Variants in RPTOR observed in about 807,000 individuals in gnomAD.
The protein encoded by RPTOR is regulatory associated protein of MTOR complex 1, also known as regulatory-associated protein of mTOR.
Under a neutral mutation model 169.9 loss-of-function variants are expected in RPTOR, and 21 were observed. The ratio of observed to expected loss-of-function variants is 0.12; its 90% CI spans 0.09 to 0.18. The LOEUF (loss-of-function observed/expected upper bound fraction) is 0.18, where lower values mean the gene tolerates loss of function less well. Ranked by LOEUF, RPTOR falls within the 10% of genes least tolerant of loss-of-function variation. The pLI, the probability that RPTOR is intolerant of heterozygous loss-of-function variation, is 1.00. For missense variants in RPTOR, 1,133 were observed against 1,855.9 expected (o/e 0.61, Z 7.16); for synonymous variants, 732 against 753.2 (o/e 0.97, Z 0.46).
At chr17:80,743,126 T>A (rs1598272241) in intron 5 of RPTOR, among the ~76,000 whole-genome samples, 1 of 152,218 alleles carries the variant, frequency 6.6e-6, no homozygotes, top group Non-Finnish European at 1.5e-5. Flanking sequence ...CTCTTACTAG[T>A]GTCTCCAGCT....
chr17:80,661,413 C>T (rs573623572), intron 3 of RPTOR, among the ~76,000 whole-genome samples: 1 of 152,298 alleles, frequency 6.6e-6, no homozygotes, highest in East Asian at 1.9e-4. Flanking sequence ...GCAGAGGAGT[C>T]GCGCGGGAGC....
At chr17:80,622,635 G>A (rs12942880) in intron 1 of RPTOR, among the ~76,000 whole-genome samples, 28,231 of 152,126 alleles carry the variant, frequency 0.19, 3,009 homozygotes, top group East Asian at 0.28. Context: ...GTGCAGTGGC[G>A]CATGCCTGTA....
At chr17:80,877,243 CT>C (rs2068131193) in intron 13 of RPTOR, among the ~76,000 whole-genome samples, 1 of 152,240 alleles carries the variant, frequency 6.6e-6, no homozygotes, top group Non-Finnish European at 1.5e-5. Context: ...CCCAGTCCCC[CT>C]AGCCAGCGAA....
At chr17:80,881,511 A>G (rs1470784088) in intron 14 of RPTOR, among the ~76,000 whole-genome samples, 1 of 152,250 alleles carries the variant, frequency 6.6e-6, no homozygotes, top group African/African-American at 2.4e-5. Flanking sequence ...TTGAGGACAC[A>G]GCCAGGTTTG....
chr17:80,682,551 T>A (rs1158747138), intron 3 of RPTOR, among the ~76,000 whole-genome samples: 1 of 151,902 alleles, frequency 6.6e-6, no homozygotes, highest in African/African-American at 2.4e-5. Flanking sequence ...GAGCTGGGAG[T>A]GATGTGGCCA....
chr17:80,787,400 C>T (rs541980087), intron 6 of RPTOR, among the ~76,000 whole-genome samples: 1 of 152,314 alleles, frequency 6.6e-6, no homozygotes, highest in East Asian at 1.9e-4. Flanking sequence ...TGAGCTTTTT[C>T]AGCTTCTTCC....
Position 80,957,783 on chromosome 17 carries a change from G to T in RPTOR, c.3477+53G>T, listed in dbSNP as rs2069272428. On this transcript the variant is annotated intron_variant, in intron 29 of 33. Coordinates refer to ENST00000306801, the MANE Select transcript of RPTOR (RefSeq NM_020761.3). The surrounding 1 kb of genome is among the most constrained non-coding windows in gnomAD (Gnocchi z 4.6). ...TGGGCCTGTGGGGCAGTGTGTGCAGGGCTGGTCCTCGTCACAGAACCCAGC... is the reference window on the plus strand; with the variant it reads ...TGGGCCTGTGGGGCAGTGTGTGCAGTGCTGGTCCTCGTCACAGAACCCAGC... The T allele has an allele frequency of 1.3e-6, 2 of 1,528,532 alleles. No individual in the cohort carries two copies. Among genetic ancestry groups the T allele is most frequent in the African/African-American group, 2.7e-5 (2 of 73,364 alleles). The allele number at this position is 1,528,532 out of a possible 1,614,324, so 94.7% of individuals were successfully genotyped here. A position where few individuals can be genotyped will look rare whatever the true frequency, so the allele number is the denominator to read the frequency against.
intron 2 of RPTOR, among the ~76,000 whole-genome samples, chr17:80,640,175 C>T (rs144652761): frequency 4.0e-5 from 6 of 150,108 alleles, no homozygotes; most frequent in South Asian, 2.1e-4. Flanking sequence ...CACACTCACT[C>T]GCCGCTGAAG....
intron 1 of RPTOR, among the ~76,000 whole-genome samples, chr17:80,550,220 T>TA (rs939025121): frequency 3.3e-5 from 5 of 152,348 alleles, no homozygotes; most frequent in Admixed American, 3.3e-4. Flanking sequence ...TTGCTAAATC[T>TA]AAAGTTCTCT....
rs1389603733 is a variant in RPTOR at position 80,959,854 on chromosome 17, G to C, written c.3478-224G>C. ...TCAGGGCTGTCCCTCCAGGGCCAAG[G>C]GATAAGGGCGTGACTCATTGTCCTG... On this transcript the variant is annotated intron_variant, in intron 29 of 33. Transcript: ENST00000306801. This position sits in a 1 kb window ranked among gnomAD's most constrained non-coding sequence, Gnocchi z 6.7. 6.6e-6 allele frequency among the ~76,000 whole-genome samples: 1 copy of C among 152,170 alleles called. No individual in the cohort carries two copies. Among genetic ancestry groups the C allele is most frequent in the Non-Finnish European group, 1.5e-5 (1 of 68,014 alleles).
rs1237288834 is a variant in RPTOR, at chr17:80,609,960, C to T, written c.163-15731C>T. ...CTGCAGTGCCTGCTGGGTCCTGGAACGAGGCCTTCCAGCAAGTCGGTTCTC... is the reference window on the plus strand; with the variant it reads ...CTGCAGTGCCTGCTGGGTCCTGGAATGAGGCCTTCCAGCAAGTCGGTTCTC... On this transcript the variant is annotated intron_variant, in intron 1 of 33. Transcript: ENST00000306801. This position sits in a 1 kb window ranked among gnomAD's most constrained non-coding sequence, Gnocchi z 4.8. Among the ~76,000 whole-genome samples, 1 of 152,114 alleles carries T rather than the reference C, an allele frequency of 6.6e-6. No individual in the cohort carries two copies. Among genetic ancestry groups the T allele is most frequent in the Non-Finnish European group, 1.5e-5 (1 of 68,018 alleles).
At chr17:80,831,591 A>T (rs1386618967) in intron 9 of RPTOR, among the ~76,000 whole-genome samples, 1 of 152,182 alleles carries the variant, frequency 6.6e-6, no homozygotes, top group African/African-American at 2.4e-5. Flanking sequence ...TGTCCATCGG[A>T]ATCCCGCCGA....
chr17:80,662,238 T>G (rs1340412149), intron 3 of RPTOR, among the ~76,000 whole-genome samples: 1 of 152,158 alleles, frequency 6.6e-6, no homozygotes, highest in Non-Finnish European at 1.5e-5. Context: ...CTGCCTCCTA[T>G]CACCAGAGGC....
intron 1 of RPTOR, among the ~76,000 whole-genome samples, chr17:80,571,316 T>C (rs1009497090): frequency 3.3e-5 from 5 of 152,236 alleles, no homozygotes; most frequent in African/African-American, 1.2e-4. Context: ...GATTTCTTTC[T>C]TTTTTGAAAT....
In RPTOR at chr17:80,633,935, C is replaced by T. The variant is rs528391905; in HGVS notation, c.265+8142C>T. ...TTGTCTCATCTAGTCTTTTTCCCAGCCTCATTCCTCTTAGTGGAATGTGGT... is the reference window on the plus strand; with the variant it reads ...TTGTCTCATCTAGTCTTTTTCCCAGTCTCATTCCTCTTAGTGGAATGTGGT... On this transcript the variant is annotated intron_variant, in intron 2 of 33. Coordinates refer to ENST00000306801, the MANE Select transcript of RPTOR (RefSeq NM_020761.3). This position sits in a 1 kb window ranked among gnomAD's most constrained non-coding sequence, Gnocchi z 4.1. Among the ~76,000 whole-genome samples the T allele has an allele frequency of 1.3e-5, 2 of 152,298 alleles. No individual in the cohort carries two copies. Among genetic ancestry groups the T allele is most frequent in the African/African-American group, 4.8e-5 (2 of 41,556 alleles).
chr17:80,834,852 C>T (rs1335840631), intron 9 of RPTOR, among the ~76,000 whole-genome samples: 1 of 152,246 alleles, frequency 6.6e-6, no homozygotes, highest in East Asian at 1.9e-4. Context: ...CGGCCCACGG[C>T]CCGGACACCC....
At position 80,562,183 on chromosome 17, in the gene RPTOR, A is replaced by T. The variant is rs1231886050; in HGVS notation, c.162+16392A>T. Reference sequence around the variant, plus strand: ...TTGGTGACTGCTTGGGTGCAGGAGGATGCAGGGTGACACGCAGCCTCCTAA... The same window carrying T: ...TTGGTGACTGCTTGGGTGCAGGAGGTTGCAGGGTGACACGCAGCCTCCTAA... On this transcript the variant is annotated intron_variant, in intron 1 of 33. Transcript: ENST00000306801. This position sits in a 1 kb window ranked among gnomAD's most constrained non-coding sequence, Gnocchi z 4.4. 6.6e-6 allele frequency among the ~76,000 whole-genome samples: 1 copy of T among 152,142 alleles called. No homozygotes were observed. Among genetic ancestry groups the T allele is most frequent in the Non-Finnish European group, 1.5e-5 (1 of 68,022 alleles).
chr17:80,743,365 G>C (rs1490058849), intron 5 of RPTOR: 17 of 985,516 alleles, frequency 1.7e-5, no homozygotes, highest in Non-Finnish European at 2.0e-5. Context: ...AGGACCGAGG[G>C]AGGCCTGAAG....
chr17:80,822,569 G>A (rs542530647), intron 8 of RPTOR, among the ~76,000 whole-genome samples: 16 of 152,358 alleles, frequency 1.1e-4, no homozygotes, highest in African/African-American at 3.6e-4. Context: ...ACTGCGCACC[G>A]GCGGCTTATC....
Sources: gnomAD v4.1 joint callset for allele counts (sites outside exome capture counted in the v4.1 genomes callset) on GRCh38, gnomAD v4.1.1 for gene constraint, Gnocchi (gnomAD v3.1) non-coding constraint, MANE v1.5 for transcripts, NCBI Gene and HGNC (gene_info 2026-07-23, HGNC 2026-07-21) for gene names.